Variants in ZNF778 observed in about 807,000 individuals in gnomAD.
ZNF778 encodes zinc finger protein 778.
Under a neutral mutation model 23.9 loss-of-function variants are expected in ZNF778, and 37 were observed. The observed-to-expected ratio is 1.54, with a 90% CI of 1.19 to 2.03. The LOEUF (loss-of-function observed/expected upper bound fraction) is 2.03. Ranked by LOEUF, ZNF778 falls within the 30% of genes most tolerant of loss-of-function variation. The pLI, the probability that ZNF778 is intolerant of heterozygous loss-of-function variation, is 0.00. For synonymous variants in ZNF778, 483 were observed against 343.9 expected, an observed-to-expected ratio of 1.40 and a Z score of -4.48; for missense variants, 1,297 against 934.4, an observed-to-expected ratio of 1.39 and a Z score of -5.06.
In ZNF778 at chr16:89,232,859, A is replaced by C. The variant is rs904278304; in HGVS notation, c.*4297A>C. On this transcript the variant is annotated 3_prime_UTR_variant, in exon 7 of 7. Transcript: ENST00000433976. ...CAACTCAACTCACACCGTGTATGCA[A>C]ATCAACTCGCACTGCGTATGCAACT... 1 of 1,289,278 alleles carries C rather than the reference A, an allele frequency of 7.8e-7. No individual in the cohort carries two copies. The highest frequency in any genetic ancestry group is 1.5e-5 in the African/African-American group (1 of 65,920). The allele number at this position is 1,289,278 out of a possible 1,614,324, so 79.9% of individuals were successfully genotyped here.
At position 89,232,867 on chromosome 16, in the gene ZNF778, C is replaced by T. The variant is rs1567514442; in HGVS notation, c.*4305C>T. ...CTCACACCGTGTATGCAAATCAACT[C>T]GCACTGCGTATGCAACTCAACTCGC... On this transcript the variant is annotated 3_prime_UTR_variant, in exon 7 of 7. Coordinates refer to ENST00000433976, the MANE Select transcript of ZNF778 (RefSeq NM_001201407.2). 1.5e-5 allele frequency: 18 copies of T among 1,220,116 alleles called. No homozygotes were observed. Among genetic ancestry groups the T allele is most frequent in the South Asian group, 3.0e-5 (2 of 67,670 alleles). The allele number at this position is 1,220,116 out of a possible 1,614,324, so 75.6% of individuals were successfully genotyped here.
intron 1 of ZNF778, among the ~76,000 whole-genome samples, chr16:89,220,184 C>T (rs571813612): frequency 1.9e-3 from 291 of 152,242 alleles, no homozygotes; most frequent in Admixed American, 3.6e-3. Context: ...TCTTTTAGCC[C>T]AAAGACCTCG....
rs775215046 is a variant in ZNF778 at position 89,227,250 on chromosome 16, C to A, written c.962C>A (p.Ser321Tyr). The A allele has an allele frequency of 6.2e-7, 1 of 1,613,988 alleles. No homozygotes were observed. Among genetic ancestry groups the A allele is most frequent in the South Asian group, 1.1e-5 (1 of 91,084 alleles). The change falls in exon 7 of 7, where the codon TCT (serine) becomes TAT (tyrosine). Residue 321 changes from serine (S) to tyrosine (Y), a missense_variant. Physicochemically the swap from Ser to Tyr is moderately radical, Grantham distance 144 (BLOSUM62 -2). Transcript: ENST00000433976. ...LEECGKASPV[S>Y]SSLTQHVRIH... ...GAATGTGGAAAAGCCTCCCCTGTTTCTTCCAGCCTAACTCAACATGTAAGA... is the reference window on the plus strand; with the variant it reads ...GAATGTGGAAAAGCCTCCCCTGTTTATTCCAGCCTAACTCAACATGTAAGA...
rs995865297 is a variant in ZNF778, at chr16:89,236,351, A to G, written c.*7789A>G. On this transcript the variant is annotated 3_prime_UTR_variant, in exon 7 of 7. Coordinates refer to ENST00000433976, the MANE Select transcript of ZNF778 (RefSeq NM_001201407.2). ...AGAGGCCAACAGGAAATGTAGGAGC[A>G]TTTTTCAAGTTCTGAAATAAAAAGA... The G allele has an allele frequency of 2.0e-5, 3 of 152,204 alleles. No individual in the cohort carries two copies. Among genetic ancestry groups the G allele is most frequent in the African/African-American group, 4.8e-5 (2 of 41,444 alleles). 9.4% of individuals were successfully genotyped at this position (152,204 alleles called of 1,614,324 possible). A position where few individuals can be genotyped will look rare whatever the true frequency, so the allele number is the denominator to read the frequency against.
In ZNF778 at chr16:89,232,107, T is replaced by C. The variant is rs9972663; in HGVS notation, c.*3545T>C. On this transcript the variant is annotated 3_prime_UTR_variant, in exon 7 of 7. Coordinates refer to ENST00000433976, the MANE Select transcript of ZNF778 (RefSeq NM_001201407.2). ...TGAGCTTTGACCCTCAGTGTGGCAG[T>C]GCTGGGAGGGGGCCTGGTGGGGGTT... 0.1 allele frequency: 16,146 copies of C among 158,282 alleles called. 1,126 individuals carry two copies. Among genetic ancestry groups the C allele is most frequent in the African/African-American group, 0.2 (8,236 of 41,450 alleles). The allele number at this position is 158,282 out of a possible 1,614,324, so 9.8% of individuals were successfully genotyped here.
rs752301749 is a variant in ZNF778, at chr16:89,228,154, C to G, written c.1866C>G (p.Cys622Trp). The G allele has an allele frequency of 2.5e-6, 4 of 1,613,380 alleles. No homozygotes were observed. Among genetic ancestry groups the G allele is most frequent in the Non-Finnish European group, 3.4e-6 (4 of 1,179,588 alleles). Residue 622 changes from cysteine to tryptophan, a missense_variant, in exon 7 of 7, where the codon TGC becomes TGG. By Grantham distance (215) the Cys-to-Trp change is radical (BLOSUM62 -2). Transcript: ENST00000433976. The part of the protein sequence containing the change: ...TGEKPYECKV[C>W]GKAFTTSSHL... The stretch of plus-strand genomic sequence containing the variant: ...AGAAACCTTATGAATGTAAAGTATG[C>G]GGAAAGGCCTTCACCACATCCTCAC...
intron 6 of ZNF778, among the ~76,000 whole-genome samples, chr16:89,226,280 G>A (rs925116009): frequency 2.0e-5 from 3 of 151,442 alleles, no homozygotes; most frequent in Non-Finnish European, 2.9e-5. Flanking sequence ...ATCTTAGCTC[G>A]CCGCAACCTC....
rs138910991 is a variant in ZNF778, at chr16:89,224,287, T to C, written c.245-432T>C. 7.6e-3 allele frequency among the ~76,000 whole-genome samples: 1,065 copies of C among 140,236 alleles called. 11 individuals carry two copies. The highest frequency in any genetic ancestry group is 0.026 in the African/African-American group (973 of 37,178). The allele number at this position is 140,236 out of a possible 152,430, so 92.0% of individuals were successfully genotyped here. A position where few individuals can be genotyped will look rare whatever the true frequency, so the allele number is the denominator to read the frequency against. On this transcript the variant is annotated intron_variant, in intron 4 of 6. Transcript: ENST00000433976. ...GGCTCATGCCTGTAATCCCAGCACTTTGGGAGGCTGGGCGCAGTGGCTCAC... is the reference window on the plus strand; with the variant it reads ...GGCTCATGCCTGTAATCCCAGCACTCTGGGAGGCTGGGCGCAGTGGCTCAC...
At chr16:89,222,538 AT>A (rs1466352752) in intron 3 of ZNF778, among the ~76,000 whole-genome samples, 1 of 152,072 alleles carries the variant, frequency 6.6e-6, no homozygotes, top group Non-Finnish European at 1.5e-5. Context: ...TAATTTTTGT[AT>A]TTTTAGTAGA....
At chr16:89,223,480 A>G (rs1249302802) in intron 4 of ZNF778, among the ~76,000 whole-genome samples, 197 bp downstream of exon 4, 1 of 152,176 alleles carries the variant, frequency 6.6e-6, no homozygotes, top group Non-Finnish European at 1.5e-5. Context: ...TCACTCCTCT[A>G]GAAACATGCA....
At position 89,231,123 on chromosome 16, in the gene ZNF778, A is replaced by T. The variant is rs1419560291; in HGVS notation, c.*2561A>T. The T allele has an allele frequency of 6.6e-6, 1 of 152,148 alleles. No homozygotes were observed. The highest frequency in any genetic ancestry group is 1.5e-5 in the Non-Finnish European group (1 of 68,054). The allele number at this position is 152,148 out of a possible 1,614,324, so 9.4% of individuals were successfully genotyped here. A position where few individuals can be genotyped will look rare whatever the true frequency, so the allele number is the denominator to read the frequency against. Reference sequence around the variant, plus strand: ...GGTTGTGCCATGTTTCTCTTGTGGGATTGAGTGTGGCTATTTAGCTCATCT... The same window carrying T: ...GGTTGTGCCATGTTTCTCTTGTGGGTTTGAGTGTGGCTATTTAGCTCATCT... On this transcript the variant is annotated 3_prime_UTR_variant, in exon 7 of 7. Coordinates refer to ENST00000433976, the MANE Select transcript of ZNF778 (RefSeq NM_001201407.2).
chr16:89,232,590 G>A lies in ZNF778; in HGVS notation c.*4028G>A. The A allele has an allele frequency of 8.4e-7, 1 of 1,184,654 alleles. No individual in the cohort carries two copies. The highest frequency in any genetic ancestry group is 1.1e-6 in the Non-Finnish European group (1 of 937,928). The allele number at this position is 1,184,654 out of a possible 1,614,324, so 73.4% of individuals were successfully genotyped here. ...GTGAAAATCTCCACTCCCAATGTCT[G>A]AGGGTTCCTCAGAGTAAGATAAAAT... On this transcript the variant is annotated 3_prime_UTR_variant, in exon 7 of 7. Coordinates refer to ENST00000433976, the MANE Select transcript of ZNF778 (RefSeq NM_001201407.2).
rs2032169826 is a variant in ZNF778, at chr16:89,234,229, TAAGC to T, written c.*5669_*5672del. ...TGGTTTTCCTCATAGTCTCTCTACCTAAGCACATGTCTGTGACAAGGTCTTACCC... is the reference window on the plus strand; with the variant it reads ...TGGTTTTCCTCATAGTCTCTCTACCTACATGTCTGTGACAAGGTCTTACCC... On this transcript the variant is annotated 3_prime_UTR_variant, in exon 7 of 7. Transcript: ENST00000433976. The T allele has an allele frequency of 2.8e-6, 1 of 360,734 alleles. No individual in the cohort carries two copies. Among genetic ancestry groups the T allele is most frequent in the Non-Finnish European group, 5.5e-6 (1 of 183,290 alleles). 22.3% of individuals were successfully genotyped at this position (360,734 alleles called of 1,614,324 possible).
rs1009032070 is a variant in ZNF778 at position 89,230,535 on chromosome 16, G to C, written c.*1973G>C. 1 of 152,262 alleles carries C rather than the reference G, an allele frequency of 6.6e-6. No individual in the cohort carries two copies. Among genetic ancestry groups the C allele is most frequent in the East Asian group, 1.9e-4 (1 of 5,198 alleles). 9.4% of individuals were successfully genotyped at this position (152,262 alleles called of 1,614,324 possible). A position where few individuals can be genotyped will look rare whatever the true frequency, so the allele number is the denominator to read the frequency against. On this transcript the variant is annotated 3_prime_UTR_variant, in exon 7 of 7. Transcript: ENST00000433976. ...CCTGGGGCAGCTGCTGCTTGTGTGT[G>C]TGCTGCTCCTTTGTGTACCATGAAA...
At position 89,226,281 on chromosome 16, in the gene ZNF778, C is replaced by T. The variant is rs547882156; in HGVS notation, c.406-413C>T. ...AATGCAACGGCGCAATCTTAGCTCG[C>T]CGCAACCTCTGCCTCCCTGGTTCAA... On this transcript the variant is annotated intron_variant, in intron 6 of 6. Transcript: ENST00000433976. Among the ~76,000 whole-genome samples, 51 of 152,210 alleles carry T rather than the reference C, an allele frequency of 3.4e-4. No individual in the cohort carries two copies. In the South Asian group the frequency reaches 9.7e-3, roughly 29 times the overall value.
rs201235138 is a variant in ZNF778, at chr16:89,223,265, G to C, written c.226G>C (p.Glu76Gln). The C allele has an allele frequency of 2.5e-6, 4 of 1,613,852 alleles. No homozygotes were observed. The South Asian group carries it at 4.4e-5, about 18-fold the overall frequency. The stretch of plus-strand genomic sequence containing the variant: ...CAGAGATGTGATGCTGGAAAACTAC[G>C]AGAACCTGGCCTCAGTAGGTGAGGC... ...LYRDVMLENY[E>Q]NLASVGHHLF... Residue 76 changes from glutamate to glutamine, a missense_variant, in exon 4 of 7, where the codon GAG (glutamate) becomes CAG (glutamine). Transcript: ENST00000433976.
chr16:89,221,511 G>A (rs1654786079), intron 2 of ZNF778, among the ~76,000 whole-genome samples: 2 of 152,120 alleles, frequency 1.3e-5, no homozygotes, highest in Non-Finnish European at 2.9e-5. Flanking sequence ...GTATGGCTGT[G>A]TGTGTGTCTG....
rs921964126 is a variant in ZNF778 at position 89,236,531 on chromosome 16, A to T, written c.*7969A>T. 1.3e-5 allele frequency: 2 copies of T among 152,240 alleles called. No individual in the cohort carries two copies. Among genetic ancestry groups the T allele is most frequent in the African/African-American group, 4.8e-5 (2 of 41,462 alleles). 9.4% of individuals were successfully genotyped at this position (152,240 alleles called of 1,614,324 possible). On this transcript the variant is annotated 3_prime_UTR_variant, in exon 7 of 7. Transcript: ENST00000433976. ...ACCTGGAACAAAGGAAAAGCAATAGAAGAGTAAATACCTGAGTAAATAGAT... is the reference window on the plus strand; with the variant it reads ...ACCTGGAACAAAGGAAAAGCAATAGTAGAGTAAATACCTGAGTAAATAGAT...
rs572159625 is a variant in ZNF778, at chr16:89,232,534, G to T, written c.*3972G>T. On this transcript the variant is annotated 3_prime_UTR_variant, in exon 7 of 7. Transcript: ENST00000433976. ...CTTCCTAACTCTCAGAACGTGTTCTGTGTCACTTAGGGCAACTTATGCCCT... is the reference window on the plus strand; with the variant it reads ...CTTCCTAACTCTCAGAACGTGTTCTTTGTCACTTAGGGCAACTTATGCCCT... 6.9e-6 allele frequency: 6 copies of T among 869,382 alleles called. No homozygotes were observed. The Admixed American group carries it at 1.1e-4, about 16-fold the overall frequency. The allele number at this position is 869,382 out of a possible 1,614,324, so 53.9% of individuals were successfully genotyped here. A position where few individuals can be genotyped will look rare whatever the true frequency, so the allele number is the denominator to read the frequency against.
Sources: gnomAD v4.1 joint callset for allele counts (sites outside exome capture counted in the v4.1 genomes callset) on GRCh38, gnomAD v4.1.1 for gene constraint, MANE v1.5 for transcripts, NCBI Gene and HGNC (gene_info 2026-07-23, HGNC 2026-07-21) for gene names.